Variants in ZNRF2 observed in about 807,000 individuals in gnomAD.
ZNRF2 encodes zinc and ring finger 2.
In ZNRF2, 16 loss-of-function variants were observed where a neutral mutation model predicts 20.4. The observed-to-expected ratio is 0.79, with a 90% CI of 0.53 to 1.19. The LOEUF is 1.19. Among genes scored for constraint, ZNRF2 ranks in the 50% most tolerant of loss-of-function variants. The pLI, the probability that ZNRF2 is intolerant of heterozygous loss-of-function variation, is 0.00. For missense variants in ZNRF2, 363 were observed against 332.4 expected (o/e 1.09, Z -0.72); for synonymous variants, 178 against 144.9 (o/e 1.23, Z -1.64).
At chr7:30,333,088 CTG>C (rs1799660507) in intron 2 of ZNRF2, among the ~76,000 whole-genome samples, 1 of 147,628 alleles carries the variant, frequency 6.8e-6, no homozygotes, top group Non-Finnish European at 1.5e-5. Context: ...GAGTCTCACT[CTG>C]TTGCCCAGGC....
chr7:30,303,982 C>CA (rs1799158876), intron 1 of ZNRF2, among the ~76,000 whole-genome samples: 1 of 152,156 alleles, frequency 6.6e-6, no homozygotes, highest in Admixed American at 6.5e-5. Context: ...GTCCCTTCCC[C>CA]ACCCAGTGTC....
intron 1 of ZNRF2, among the ~76,000 whole-genome samples, chr7:30,312,058 T>G (rs1799299747): frequency 6.6e-6 from 1 of 152,190 alleles, no homozygotes; most frequent in Non-Finnish European, 1.5e-5. Flanking sequence ...TTTTGTTAGG[T>G]ACATTTTATA....
At chr7:30,306,443 C>T (rs758726979) in intron 1 of ZNRF2, among the ~76,000 whole-genome samples, 1 of 152,048 alleles carries the variant, frequency 6.6e-6, no homozygotes, top group Non-Finnish European at 1.5e-5. Context: ...GAAACAAAGT[C>T]AGGAAGAATA....
chr7:30,342,892 T>A (rs192081814), intron 2 of ZNRF2, among the ~76,000 whole-genome samples: 5 of 152,108 alleles, frequency 3.3e-5, no homozygotes, highest in Admixed American at 1.3e-4. Context: ...TGTAGAGGAC[T>A]TTTTTCCCCC....
chr7:30,292,862 A>G (rs971177999), intron 1 of ZNRF2, among the ~76,000 whole-genome samples: 3 of 152,172 alleles, frequency 2.0e-5, no homozygotes, highest in Non-Finnish European at 4.4e-5. Flanking sequence ...ACTGCCTCAT[A>G]ACCACTGACC....
chr7:30,301,177 G>A (rs893215233), intron 1 of ZNRF2, among the ~76,000 whole-genome samples: 2 of 152,172 alleles, frequency 1.3e-5, no homozygotes, highest in Admixed American at 6.5e-5. Context: ...CATGGGAAGA[G>A]AGTGTTTTTA....
At position 30,364,434 on chromosome 7, in the gene ZNRF2, G is replaced by A. The variant is rs555848497; in HGVS notation, c.*23-1601G>A. Among the ~76,000 whole-genome samples, 177 of 152,288 alleles carry A rather than the reference G, an allele frequency of 1.2e-3. 1 individual carries two copies. Among genetic ancestry groups the A allele is most frequent in the African/African-American group, 4.1e-3 (169 of 41,554 alleles). ...GGAGTTTGAGGCTGCAGTGAGCTAT[G>A]AACACACCAGTGCACTCCTGCCTGG... is the stretch of plus-strand genomic sequence containing the variant. On this transcript the variant is annotated intron_variant, in intron 4 of 4. Transcript: ENST00000323037.
intron 1 of ZNRF2, 22 bp from the exon 2 acceptor site, chr7:30,323,620 T>G (rs776707004): frequency 6.7e-7 from 1 of 1,487,290 alleles, no homozygotes; most frequent in South Asian, 1.2e-5. Flanking sequence ...GTTAAGTAAC[T>G]TGAGTTTCTT....
chr7:30,298,012 A>G (rs1278147841), intron 1 of ZNRF2, among the ~76,000 whole-genome samples: 1 of 152,122 alleles, frequency 6.6e-6, no homozygotes, highest in African/African-American at 2.4e-5. Flanking sequence ...CCACAGGTGC[A>G]TGCCACCATA....
intron 2 of ZNRF2, among the ~76,000 whole-genome samples, chr7:30,340,214 C>A (rs917978928): frequency 4.6e-5 from 7 of 152,166 alleles, no homozygotes; most frequent in Non-Finnish European, 7.3e-5. Flanking sequence ...TTGACTTCCT[C>A]TCTCCCTGTT....
At chr7:30,351,261 T>G (rs1158593224) in intron 2 of ZNRF2, among the ~76,000 whole-genome samples, 1 of 151,984 alleles carries the variant, frequency 6.6e-6, no homozygotes, top group Non-Finnish European at 1.5e-5. Context: ...TATTTTAAGG[T>G]TTCATATTTT....
chr7:30,359,631 C>A (rs562371767), intron 3 of ZNRF2, among the ~76,000 whole-genome samples: 1 of 152,272 alleles, frequency 6.6e-6, no homozygotes, highest in East Asian at 1.9e-4. Context: ...TTAATTAGAC[C>A]ATGGGCTTTG....
intron 1 of ZNRF2, among the ~76,000 whole-genome samples, chr7:30,303,272 A>G (rs935661600): frequency 3.3e-5 from 5 of 152,080 alleles, no homozygotes; most frequent in South Asian, 2.1e-4. Context: ...TCAAAAAAAA[A>G]AAAAAGAAAA....
chr7:30,363,689 C>A (rs1245724904), intron 4 of ZNRF2, among the ~76,000 whole-genome samples: 1 of 151,624 alleles, frequency 6.6e-6, no homozygotes, highest in South Asian at 2.1e-4. Flanking sequence ...TTAAGTTTTT[C>A]ATGGTTCTGC....
chr7:30,287,293 A>G (rs1018295687), intron 1 of ZNRF2, among the ~76,000 whole-genome samples: 1 of 152,258 alleles, frequency 6.6e-6, no homozygotes, highest in African/African-American at 2.4e-5. Context: ...TAGTGCGAGA[A>G]TGAAGGGCAA....
At position 30,285,574 on chromosome 7, in the gene ZNRF2, G is replaced by GCGGCCCCGGCGGCCCCGC; in HGVS notation, c.218_219insGGCCCCGGCGGCCCCGCC (p.Pro78_Arg79insProAlaProAlaAlaPro). On this transcript the variant is annotated inframe_insertion, in exon 1 of 5. Transcript: ENST00000323037. Reference sequence around the variant, plus strand: ...CGCCGCGGCGGCCGCGGCGGCCCCGGCAGCCCCGGCGGCCCCGCGCAGCCG... The same window carrying GCGGCCCCGGCGGCCCCGC: ...CGCCGCGGCGGCCGCGGCGGCCCCGGCGGCCCCGGCGGCCCCGCCAGCCCCGGCGGCCCCGCGCAGCCG... 6 of 993,976 alleles carry GCGGCCCCGGCGGCCCCGC rather than the reference G, an allele frequency of 6.0e-6. No homozygotes were observed. The highest frequency in any genetic ancestry group is 7.2e-6 in the Non-Finnish European group (6 of 837,556). 61.6% of individuals were successfully genotyped at this position (993,976 alleles called of 1,614,324 possible). A position where few individuals can be genotyped will look rare whatever the true frequency, so the allele number is the denominator to read the frequency against.
At chr7:30,325,788 T>A (rs1021233578) in intron 2 of ZNRF2, among the ~76,000 whole-genome samples, 4 of 152,244 alleles carry the variant, frequency 2.6e-5, no homozygotes, top group African/African-American at 4.8e-5. Flanking sequence ...ATTTGTTGAT[T>A]ATATCCTAAC....
chr7:30,300,820 T>G (rs576082181), intron 1 of ZNRF2, among the ~76,000 whole-genome samples: 1 of 152,370 alleles, frequency 6.6e-6, no homozygotes, highest in Non-Finnish European at 1.5e-5. Flanking sequence ...GGCTGAATCT[T>G]TAAATATTAG....
chr7:30,291,964 A>G (rs1474169271), intron 1 of ZNRF2, among the ~76,000 whole-genome samples: 1 of 152,204 alleles, frequency 6.6e-6, no homozygotes, highest in East Asian at 1.9e-4. Context: ...TTATAAAAAT[A>G]ATACCTGTTC....
Sources: gnomAD v4.1 joint callset for allele counts (sites outside exome capture counted in the v4.1 genomes callset) on GRCh38, gnomAD v4.1.1 for gene constraint, MANE v1.5 for transcripts, NCBI Gene and HGNC (gene_info 2026-07-23, HGNC 2026-07-21) for gene names.